Variants in POGZ observed in about 807,000 individuals in gnomAD.
The protein encoded by POGZ is pogo transposable element with ZNF domain.
POGZ carries 17 observed loss-of-function variants against 134.6 expected under a neutral mutation model. The ratio of observed to expected loss-of-function variants is 0.13; its 90% CI spans 0.09 to 0.19. The LOEUF is 0.19. Among genes scored for constraint, POGZ ranks in the 10% least tolerant of loss-of-function variants. The pLI is 1.00. For missense variants in POGZ, 1,306 were observed against 1,769.7 expected (o/e 0.74, Z 4.70); for synonymous variants, 693 against 657.1 (o/e 1.05, Z -0.84).
chr1:151,458,621 C>T (rs113342149), intron 1 of POGZ, among the ~76,000 whole-genome samples: 1 of 147,534 alleles, frequency 6.8e-6, no homozygotes, highest in Non-Finnish European at 1.5e-5. Flanking sequence ...CCCGCCCCTC[C>T]GCCGCACGGC....
chr1:151,429,278 G>C (rs1658306343), intron 5 of POGZ: 1 of 161,682 alleles, frequency 6.2e-6, no homozygotes, highest in Admixed American at 6.4e-5. Flanking sequence ...CAAATGAGGA[G>C]ATGTGTAAGG....
chr1:151,418,554 G>A (rs1656206735), intron 10 of POGZ, among the ~76,000 whole-genome samples: 1 of 152,116 alleles, frequency 6.6e-6, no homozygotes, highest in African/African-American at 2.4e-5. Context: ...ATAACCTGTT[G>A]TAAATTTTAA....
rs1054539041 is a variant in POGZ, at chr1:151,429,475, T to A, written c.568+128A>T. 9 of 453,074 alleles carry A rather than the reference T, an allele frequency of 2.0e-5. No homozygotes were observed. In the East Asian group the frequency reaches 2.8e-4, roughly 14 times the overall value. 28.1% of individuals were successfully genotyped at this position (453,074 alleles called of 1,614,324 possible). ...CAGATTTTTTAAAATTGGGCTTAAA[T>A]CATTAATATTTTTATATTTTTAGAT... On this transcript the variant is annotated intron_variant, in intron 5 of 18. Coordinates refer to ENST00000271715, the MANE Select transcript of POGZ (RefSeq NM_015100.4).
chr1:151,449,087 C>G (rs1231647537), intron 1 of POGZ, among the ~76,000 whole-genome samples: 1 of 152,130 alleles, frequency 6.6e-6, no homozygotes, highest in Non-Finnish European at 1.5e-5. Context: ...AACAAGAGCT[C>G]ATTTCGAACC....
chr1:151,415,588 G>A (rs755075949), intron 10 of POGZ, among the ~76,000 whole-genome samples: 17 of 148,690 alleles, frequency 1.1e-4, no homozygotes, highest in African/African-American at 2.0e-4. Context: ...GAAGAATGGC[G>A]TGAACCCAGG....
rs1254546375 is a variant in POGZ at position 151,424,000 on chromosome 1, G to A, written c.1472C>T (p.Ala491Val). ...ACAATGTGGGCATCGGAAAGATGTG[G>A]CGACCTTAGGGAAATTTGTGAGCTG... ...VAQLTNFPKVATSFRCPHCTK... is the reference protein window; with the variant it reads ...VAQLTNFPKVVTSFRCPHCTK... The change falls in exon 9 of 19, where the codon GCC becomes GTC. Residue 491 changes from alanine to valine, a missense_variant. Ala to Val is a moderately conservative substitution (Grantham distance 64). Coordinates refer to ENST00000271715, the MANE Select transcript of POGZ (RefSeq NM_015100.4). The A allele has an allele frequency of 6.2e-7, 1 of 1,614,182 alleles. No individual in the cohort carries two copies. Among genetic ancestry groups the A allele is most frequent in the East Asian group, 2.2e-5 (1 of 44,884 alleles).
Position 151,405,863 on chromosome 1 carries a change from C to T in POGZ, c.3172G>A (p.Gly1058Arg). The change falls in exon 19 of 19, where the codon GGA (glycine) becomes AGA (arginine). Residue 1058 changes from glycine to arginine, a missense_variant. Physicochemically the swap from Gly to Arg is moderately radical, Grantham distance 125 (BLOSUM62 -2). Around this residue, in one of 10 missense-constraint regions of POGZ, gnomAD observed 24 missense variants for 69.6 expected, o/e 0.34. Coordinates refer to ENST00000271715, the MANE Select transcript of POGZ (RefSeq NM_015100.4). This position sits in a 1 kb window ranked among gnomAD's most constrained non-coding sequence, Gnocchi z 4.9. The stretch of plus-strand genomic sequence containing the variant: ...TTAAACCCCCCTTCCAAAGAACGTC[C>T]TATTTTGGTGGCCTTCTGGAACAAG... ...ETLFQKATKIGRSLEGGFKIS... is the reference protein window; with the variant it reads ...ETLFQKATKIRRSLEGGFKIS... 1 of 1,614,134 alleles carries T rather than the reference C, an allele frequency of 6.2e-7. No homozygotes were observed. Among genetic ancestry groups the T allele is most frequent in the Non-Finnish European group, 8.5e-7 (1 of 1,180,020 alleles).
At chr1:151,437,139 A>T (rs1377790514) in intron 3 of POGZ, among the ~76,000 whole-genome samples, 1 of 151,714 alleles carries the variant, frequency 6.6e-6, no homozygotes, top group Non-Finnish European at 1.5e-5. Flanking sequence ...GGCTGCAGTG[A>T]GCCGAGATTG....
intron 10 of POGZ, among the ~76,000 whole-genome samples, chr1:151,416,035 G>C (rs929530577): frequency 4.1e-5 from 6 of 146,432 alleles, no homozygotes; most frequent in Non-Finnish European, 6.0e-5. Context: ...CCAACATGGC[G>C]AAACCCCGCC....
intron 9 of POGZ, 69 bp from the exon 10 acceptor site, chr1:151,423,620 T>G (rs1343916039): frequency 7.9e-7 from 1 of 1,266,752 alleles, no homozygotes; most frequent in African/African-American, 1.5e-5. Context: ...AATATAATGG[T>G]AAAATCACAG....
chr1:151,403,974 G>C lies in POGZ; in HGVS notation c.*828C>G, dbSNP rs1224914284. On this transcript the variant is annotated 3_prime_UTR_variant, in exon 19 of 19. Transcript: ENST00000271715. ...TAACACCTGTATGATCCTTTGTCCAGAGGGATGGATGGTGTTGAGAATGGG... is the reference window on the plus strand; with the variant it reads ...TAACACCTGTATGATCCTTTGTCCACAGGGATGGATGGTGTTGAGAATGGG... 1.0e-6 allele frequency: 1 copy of C among 985,330 alleles called. No individual in the cohort carries two copies. Among genetic ancestry groups the C allele is most frequent in the East Asian group, 1.1e-4 (1 of 8,836 alleles). The allele number at this position is 985,330 out of a possible 1,614,324, so 61.0% of individuals were successfully genotyped here.
rs927858654 is a variant in POGZ, at chr1:151,435,110, T to C, written c.284-4269A>G. The stretch of plus-strand genomic sequence containing the variant: ...GAGACAGGGTTTCACTATTTGGCCA[T>C]GCTAGTCTCAAACTTCTGACCTCAG... On this transcript the variant is annotated intron_variant, in intron 3 of 18. Transcript: ENST00000271715. Among the ~76,000 whole-genome samples the C allele has an allele frequency of 3.9e-5, 6 of 152,242 alleles. No individual in the cohort carries two copies. The East Asian group carries it at 5.8e-4, about 15-fold the overall frequency.
intron 17 of POGZ, 67 bp downstream of exon 17, chr1:151,406,844 G>T: frequency 8.3e-7 from 1 of 1,202,980 alleles, no homozygotes; most frequent in Non-Finnish European, 1.2e-6. Context: ...TGCTCCTGAT[G>T]CATACAGTAC....
At chr1:151,443,948 C>T (rs1238920564) in intron 1 of POGZ, among the ~76,000 whole-genome samples, 5 of 152,266 alleles carry the variant, frequency 3.3e-5, no homozygotes, top group Admixed American at 2.6e-4. Context: ...AAAACCAAAA[C>T]CAAACAACCA....
chr1:151,422,812 G>C (rs1055829095), intron 10 of POGZ, among the ~76,000 whole-genome samples: 1 of 151,992 alleles, frequency 6.6e-6, no homozygotes, highest in African/African-American at 2.4e-5. Context: ...GGCTGGTCTC[G>C]AATTCCTGAC....
intron 12 of POGZ, 78 bp from the exon 13 acceptor site, chr1:151,408,906 G>C (rs185375292): frequency 8.1e-6 from 10 of 1,239,646 alleles, no homozygotes; most frequent in Non-Finnish European, 1.2e-5. Flanking sequence ...GGAGAAAGCA[G>C]ATCAATGTCA....
intron 10 of POGZ, among the ~76,000 whole-genome samples, chr1:151,421,897 C>T (rs939045605): frequency 3.3e-5 from 5 of 152,056 alleles, no homozygotes; most frequent in African/African-American, 9.7e-5. Context: ...GGATTACCTG[C>T]GCACACCACC....
chr1:151,446,008 G>T (rs1020004423), intron 1 of POGZ, among the ~76,000 whole-genome samples: 1 of 146,060 alleles, frequency 6.8e-6, no homozygotes, highest in African/African-American at 2.5e-5. Flanking sequence ...ACCATTCTCT[G>T]TGGTCTTTCA....
intron 10 of POGZ, among the ~76,000 whole-genome samples, chr1:151,418,050 T>TA (rs993037983): frequency 6.6e-6 from 1 of 151,592 alleles, no homozygotes; most frequent in Admixed American, 6.6e-5. Context: ...CCGTCTCCAC[T>TA]AAAAAATACA....
Sources: gnomAD v4.1 joint callset for allele counts (sites outside exome capture counted in the v4.1 genomes callset) on GRCh38, gnomAD v4.1.1 for gene constraint, gnomAD v4.1.1 regional missense constraint, Gnocchi (gnomAD v3.1) non-coding constraint, MANE v1.5 for transcripts, NCBI Gene and HGNC (gene_info 2026-07-23, HGNC 2026-07-21) for gene names.